The following TOP1 variants were observed in gnomAD, a reference collection of about 807,000 sequenced individuals.
TOP1 encodes DNA topoisomerase 1.
A neutral mutation model predicts 111.1 loss-of-function variants in TOP1; 10 were observed. The ratio of observed to expected loss-of-function variants is 0.09; its 90% CI spans 0.06 to 0.15. TOP1 has a LOEUF of 0.15. TOP1 is among the 10% of genes least tolerant of loss of function. The pLI, the probability that TOP1 is intolerant of heterozygous loss-of-function variation, is 1.00. For synonymous variants in TOP1, 271 were observed against 302.9 expected (o/e 0.89, Z 1.10); for missense variants, 474 against 926.7 (o/e 0.51, Z 6.34).
In TOP1 at chr20:41,082,534, C is replaced by T. The variant is rs972133299; in HGVS notation, c.507+1294C>T. Among the ~76,000 whole-genome samples the T allele has an allele frequency of 1.3e-5, 2 of 152,180 alleles. No homozygotes were observed. The highest frequency in any genetic ancestry group is 4.8e-5 in the African/African-American group (2 of 41,442). ...CAGCTACTATATTATCCTACCTCCC[C>T]TGGGACTTTGCTGATGCTCTAATTC... On this transcript the variant is annotated intron_variant, in intron 7 of 20. Coordinates refer to ENST00000361337, the MANE Select transcript of TOP1 (RefSeq NM_003286.4). The surrounding 1 kb of genome is among the most constrained non-coding windows in gnomAD (Gnocchi z 4.1).
At chr20:41,042,153 G>T (rs986976700) in intron 2 of TOP1, among the ~76,000 whole-genome samples, 1 of 152,070 alleles carries the variant, frequency 6.6e-6, no homozygotes, top group South Asian at 2.1e-4. Context: ...CAAGTGATCC[G>T]GCTGCCTCAG....
At chr20:41,045,014 C>G (rs1213437054) in intron 2 of TOP1, among the ~76,000 whole-genome samples, 2 of 152,150 alleles carry the variant, frequency 1.3e-5, no homozygotes, top group Non-Finnish European at 1.5e-5. Context: ...TGTCAAACTC[C>G]TGGCCTCTAG....
intron 3 of TOP1, chr20:41,072,497 T>C: frequency 3.0e-6 from 3 of 985,480 alleles, no homozygotes; most frequent in Non-Finnish European, 3.6e-6. Context: ...CCATTTTATA[T>C]GCTGGCCAAA....
chr20:41,038,722 A>G (rs990915588), intron 2 of TOP1, among the ~76,000 whole-genome samples: 3 of 152,176 alleles, frequency 2.0e-5, no homozygotes, highest in Non-Finnish European at 4.4e-5. Context: ...CTGGAGGCTC[A>G]TGCCTATAAT....
rs191938966 is a variant in TOP1 at position 41,031,645 on chromosome 20, C to G, written c.58+2190C>G. ...AATTAAATGTAATCCTTGGAAGGAC[C>G]CTTGTGAGTTAGGTCCTGTTATTTC... On this transcript the variant is annotated intron_variant, in intron 2 of 20. Transcript: ENST00000361337. Among the ~76,000 whole-genome samples, 7 of 152,262 alleles carry G rather than the reference C, an allele frequency of 4.6e-5. No homozygotes were observed. The East Asian group carries it at 1.3e-3, about 29-fold the overall frequency.
At position 41,106,148 on chromosome 20, in the gene TOP1, G is replaced by A. The variant is rs1278468095; in HGVS notation, c.1308+4795G>A. Among the ~76,000 whole-genome samples, 2 of 152,154 alleles carry A rather than the reference G, an allele frequency of 1.3e-5. No individual in the cohort carries two copies. The highest frequency in any genetic ancestry group is 2.9e-5 in the Non-Finnish European group (2 of 68,028). ...TAAACTGTTGTCACAGAACTATTTA[G>A]TTGTATTACCTCCTCTCTTGTATAT... On this transcript the variant is annotated intron_variant, in intron 13 of 20. Transcript: ENST00000361337. The surrounding 1 kb of genome is among the most constrained non-coding windows in gnomAD (Gnocchi z 4.3).
rs2033137710 is a variant in TOP1, at chr20:41,032,837, G to A, written c.58+3382G>A. On this transcript the variant is annotated intron_variant, in intron 2 of 20. Coordinates refer to ENST00000361337, the MANE Select transcript of TOP1 (RefSeq NM_003286.4). The surrounding 1 kb of genome is among the most constrained non-coding windows in gnomAD (Gnocchi z 4.3). ...CGGTAGCATAGCTGATTGCGGTGGGGGAATTTCAGATAGCTGATGATGTGG... is the reference window on the plus strand; with the variant it reads ...CGGTAGCATAGCTGATTGCGGTGGGAGAATTTCAGATAGCTGATGATGTGG... 1.3e-5 allele frequency among the ~76,000 whole-genome samples: 2 copies of A among 152,092 alleles called. No individual in the cohort carries two copies. The highest frequency in any genetic ancestry group is 4.2e-4 in the South Asian group (2 of 4,818).
chr20:41,091,087 T>C (rs1251707818), intron 8 of TOP1, among the ~76,000 whole-genome samples: 1 of 152,272 alleles, frequency 6.6e-6, no homozygotes, highest in Non-Finnish European at 1.5e-5. Flanking sequence ...TATGTTGACT[T>C]TGGTTTTATA....
rs985624260 is a variant in TOP1, at chr20:41,109,668, A to G, written c.1309-3114A>G. Among the ~76,000 whole-genome samples the G allele has an allele frequency of 1.3e-5, 2 of 152,246 alleles. No individual in the cohort carries two copies. The highest frequency in any genetic ancestry group is 4.8e-5 in the African/African-American group (2 of 41,472). ...AGAGCAAAAGACTTGAACATATACT[A>G]TACAAAAGAAGATACAGGAATGGTC... On this transcript the variant is annotated intron_variant, in intron 13 of 20. Transcript: ENST00000361337. This position sits in a 1 kb window ranked among gnomAD's most constrained non-coding sequence, Gnocchi z 4.1.
rs2033749822 is a variant in TOP1, at chr20:41,078,021, A to G, written c.335+384A>G. ...TCTTCACTAATTCCAGAACATTTTC[A>G]TTTCTCTAAAAAGAAACTTCATATT... On this transcript the variant is annotated intron_variant, in intron 5 of 20. Transcript: ENST00000361337. The surrounding 1 kb of genome is among the most constrained non-coding windows in gnomAD (Gnocchi z 5.3). Among the ~76,000 whole-genome samples, 1 of 134,854 alleles carries G rather than the reference A, an allele frequency of 7.4e-6. No homozygotes were observed. The highest frequency in any genetic ancestry group is 1.5e-5 in the Non-Finnish European group (1 of 64,664). 88.5% of individuals were successfully genotyped at this position (134,854 alleles called of 152,430 possible).
At chr20:41,070,458 T>G (rs1230168112) in intron 3 of TOP1, among the ~76,000 whole-genome samples, 2 of 152,256 alleles carry the variant, frequency 1.3e-5, no homozygotes, top group Non-Finnish European at 2.9e-5. Context: ...TGATGGACAT[T>G]AAGGAACCCT....
At chr20:41,057,934 G>C (rs749088949) in intron 2 of TOP1, among the ~76,000 whole-genome samples, 2 of 152,170 alleles carry the variant, frequency 1.3e-5, no homozygotes, top group Non-Finnish European at 2.9e-5. Flanking sequence ...GAAGTAGTGG[G>C]ATATTGCTGT....
intron 2 of TOP1, among the ~76,000 whole-genome samples, chr20:41,039,266 AT>A (rs1024043406): frequency 1.3e-5 from 2 of 152,128 alleles, no homozygotes; most frequent in African/African-American, 4.8e-5. Flanking sequence ...CTCTGTTGAG[AT>A]TTTTCATTAG....
Position 41,110,571 on chromosome 20 carries a change from C to T in TOP1, c.1309-2211C>T, listed in dbSNP as rs929929643. Among the ~76,000 whole-genome samples the T allele has an allele frequency of 1.3e-5, 2 of 152,230 alleles. No homozygotes were observed. The highest frequency in any genetic ancestry group is 2.9e-5 in the Non-Finnish European group (2 of 68,040). On this transcript the variant is annotated intron_variant, in intron 13 of 20. Transcript: ENST00000361337. The surrounding 1 kb of genome is among the most constrained non-coding windows in gnomAD (Gnocchi z 4.2). Reference sequence around the variant, plus strand: ...GAATCCAGATCCTGATTCCACCCAACCACTCTGCTGAATGGATAGCAGCTA... The same window carrying T: ...GAATCCAGATCCTGATTCCACCCAATCACTCTGCTGAATGGATAGCAGCTA...
At position 41,102,963 on chromosome 20, in the gene TOP1, T is replaced by G. The variant is rs937359128; in HGVS notation, c.1308+1610T>G. Among the ~76,000 whole-genome samples the G allele has an allele frequency of 1.3e-5, 2 of 152,084 alleles. No homozygotes were observed. Among genetic ancestry groups the G allele is most frequent in the Non-Finnish European group, 2.9e-5 (2 of 67,980 alleles). ...TTATGGTTGGGTCTTAAAAGTAGTA[T>G]TTCAAACAAGAGAGAACTGTGTCGT... On this transcript the variant is annotated intron_variant, in intron 13 of 20. Transcript: ENST00000361337. The surrounding 1 kb of genome is among the most constrained non-coding windows in gnomAD (Gnocchi z 4.0).
At chr20:41,063,409 A>G (rs894546985) in intron 3 of TOP1, among the ~76,000 whole-genome samples, 1 of 152,200 alleles carries the variant, frequency 6.6e-6, no homozygotes, top group Non-Finnish European at 1.5e-5. Flanking sequence ...ATGTGTGTAC[A>G]TGTGTCTTTT....
intron 13 of TOP1, among the ~76,000 whole-genome samples, chr20:41,105,603 T>A (rs1350291062): frequency 6.6e-6 from 1 of 152,108 alleles, no homozygotes; most frequent in Non-Finnish European, 1.5e-5. Context: ...ATTCAAGTGG[T>A]TTTGGTGCCT....
chr20:41,115,241 T>C lies in TOP1; in HGVS notation c.1639-130T>C. 3 of 616,916 alleles carry C rather than the reference T, an allele frequency of 4.9e-6. No homozygotes were observed. Among genetic ancestry groups the C allele is most frequent in the South Asian group, 3.8e-5 (2 of 52,582 alleles). The allele number at this position is 616,916 out of a possible 1,614,324, so 38.2% of individuals were successfully genotyped here. A position where few individuals can be genotyped will look rare whatever the true frequency, so the allele number is the denominator to read the frequency against. ...GATGAATGGGGTAAAATGTTAACAG[T>C]GAATCTCGGTGACGGATGTATGCGT... is the stretch of plus-strand genomic sequence containing the variant. On this transcript the variant is annotated intron_variant, in intron 15 of 20. Coordinates refer to ENST00000361337, the MANE Select transcript of TOP1 (RefSeq NM_003286.4). This position sits in a 1 kb window ranked among gnomAD's most constrained non-coding sequence, Gnocchi z 6.3.
rs2034055088 is a variant in TOP1 at position 41,100,980 on chromosome 20, T to C, written c.1164-229T>C. On this transcript the variant is annotated intron_variant, in intron 12 of 20. Coordinates refer to ENST00000361337, the MANE Select transcript of TOP1 (RefSeq NM_003286.4). The surrounding 1 kb of genome is among the most constrained non-coding windows in gnomAD (Gnocchi z 4.4). ...TTTCATCATGCTCCTCAGAATGATG[T>C]GCAATTTAAAACTTACAAAATGTTT... 6.6e-6 allele frequency among the ~76,000 whole-genome samples: 1 copy of C among 152,190 alleles called. No individual in the cohort carries two copies. The highest frequency in any genetic ancestry group is 1.5e-5 in the Non-Finnish European group (1 of 68,030).
Sources: gnomAD v4.1 joint callset for allele counts (sites outside exome capture counted in the v4.1 genomes callset) on GRCh38, gnomAD v4.1.1 for gene constraint, Gnocchi (gnomAD v3.1) non-coding constraint, MANE v1.5 for transcripts, NCBI Gene and HGNC (gene_info 2026-07-23, HGNC 2026-07-21) for gene names.